Variants in GKAP1 observed in about 807,000 individuals in gnomAD.
GKAP1 encodes the protein G kinase-anchoring protein 1.
GKAP1 carries 31 observed loss-of-function variants against 56.7 expected under a neutral mutation model. That is an observed-to-expected ratio of 0.55 (90% confidence interval 0.41 to 0.74). The LOEUF (loss-of-function observed/expected upper bound fraction) is 0.74. Ranked by LOEUF, GKAP1 falls within the 30% of genes least tolerant of loss-of-function variation. GKAP1 has a pLI of 0.00. For missense variants in GKAP1, 364 were observed against 402.3 expected (o/e 0.90, Z 0.82); for synonymous variants, 151 against 138.6 (o/e 1.09, Z -0.63).
intron 4 of GKAP1, chr9:83,793,179 T>C (rs1156937347): frequency 6.4e-6 from 1 of 155,914 alleles, no homozygotes; most frequent in Admixed American, 6.5e-5. Context: ...ATTTTACTCA[T>C]TTAAATCCAA....
chr9:83,788,744 C>A, intron 4 of GKAP1, 66 bp from the exon 5 acceptor site: 1 of 926,612 alleles, frequency 1.1e-6, no homozygotes. Context: ...AATAACCATA[C>A]ATATTACTAT....
chr9:83,784,211 G>A (rs937480338), intron 6 of GKAP1, among the ~76,000 whole-genome samples: 1 of 151,594 alleles, frequency 6.6e-6, no homozygotes, highest in Non-Finnish European at 1.5e-5. Flanking sequence ...AGGTTACAGT[G>A]AGCCATGACT....
Position 83,751,669 on chromosome 9 carries a change from A to G in GKAP1, c.840+1589T>C, listed in dbSNP as rs555148392. ...ACAGGGCGCAAAAAGTATCTGGCAC[A>G]TTACAGGCACTCAATAAATAATTGT... On this transcript the variant is annotated intron_variant, in intron 9 of 12. Coordinates refer to ENST00000376371, the MANE Select transcript of GKAP1 (RefSeq NM_025211.4). Among the ~76,000 whole-genome samples, 13 of 152,200 alleles carry G rather than the reference A, an allele frequency of 8.5e-5. No homozygotes were observed. In the South Asian group the frequency reaches 2.3e-3, roughly 27 times the overall value.
At chr9:83,808,017 T>C (rs183824454) in intron 2 of GKAP1, among the ~76,000 whole-genome samples, 11 of 152,350 alleles carry the variant, frequency 7.2e-5, no homozygotes, top group Admixed American at 7.2e-4. Flanking sequence ...AGAACTGATG[T>C]CTGAAGATGC....
intron 11 of GKAP1, 75 bp downstream of exon 11, chr9:83,742,455 T>C (rs1943223745): frequency 1.1e-6 from 1 of 902,290 alleles, no homozygotes; most frequent in Non-Finnish European, 1.8e-6. Context: ...TGATGAGCTG[T>C]ATTTGTTAAG....
chr9:83,810,804 G>T (rs894916277), intron 2 of GKAP1, among the ~76,000 whole-genome samples: 1 of 152,224 alleles, frequency 6.6e-6, no homozygotes, highest in Non-Finnish European at 1.5e-5. Flanking sequence ...ATCACTTAAT[G>T]ATGGGGATAC....
chr9:83,784,423 T>A (rs574090706), intron 6 of GKAP1, among the ~76,000 whole-genome samples: 14 of 152,320 alleles, frequency 9.2e-5, no homozygotes, highest in African/African-American at 3.4e-4. Flanking sequence ...ACTCTTGCCA[T>A]GTGATGACTC....
At chr9:83,813,582 G>GT (rs1944541510) in intron 2 of GKAP1, among the ~76,000 whole-genome samples, 1 of 152,112 alleles carries the variant, frequency 6.6e-6, no homozygotes, top group East Asian at 1.9e-4. Context: ...TAGCAAAACC[G>GT]TATCTCATAA....
Position 83,769,132 on chromosome 9 carries a change from T to C in GKAP1, c.586-162A>G, listed in dbSNP as rs535930971. The stretch of plus-strand genomic sequence containing the variant: ...TGACAGCTAAGAGACAATCAACGAC[T>C]TGATCCTTCTCCATCTCCAGAAGAT... On this transcript the variant is annotated intron_variant, in intron 7 of 12. Transcript: ENST00000376371. 8.5e-5 allele frequency among the ~76,000 whole-genome samples: 13 copies of C among 152,344 alleles called. No individual in the cohort carries two copies. In the South Asian group the frequency reaches 2.7e-3, roughly 32 times the overall value.
intron 2 of GKAP1, among the ~76,000 whole-genome samples, chr9:83,812,210 TAC>T: frequency 6.7e-6 from 1 of 148,340 alleles, no homozygotes; most frequent in Non-Finnish European, 1.5e-5. Flanking sequence ...TATATACACA[TAC>T]ATACATACAC....
At chr9:83,756,066 A>C (rs10868055) in intron 8 of GKAP1, among the ~76,000 whole-genome samples, 50,844 of 151,888 alleles carry the variant, frequency 0.33, 9,104 homozygotes, top group Admixed American at 0.48. Context: ...TGGCCTCCCA[A>C]AGTGCTGGGA....
At chr9:83,770,969 C>A (rs1943749539) in intron 7 of GKAP1, among the ~76,000 whole-genome samples, 1 of 152,156 alleles carries the variant, frequency 6.6e-6, no homozygotes, top group Non-Finnish European at 1.5e-5. Context: ...AGAAATTTTA[C>A]ATTCTCCAAG....
intron 4 of GKAP1, chr9:83,792,877 G>T (rs1944185162): frequency 3.3e-6 from 1 of 306,356 alleles, no homozygotes. Flanking sequence ...TTTATTTATG[G>T]GAGTAGGAGG....
intron 10 of GKAP1, among the ~76,000 whole-genome samples, chr9:83,743,987 G>A (rs1943249296): frequency 1.3e-5 from 2 of 152,036 alleles, no homozygotes; most frequent in Middle Eastern, 3.2e-3. Context: ...TAGCAAAGGA[G>A]GAAAATGACT....
intron 9 of GKAP1, among the ~76,000 whole-genome samples, chr9:83,751,354 TTGTC>T (rs879924757): frequency 2.0e-5 from 3 of 152,316 alleles, no homozygotes; most frequent in Admixed American, 6.5e-5. Flanking sequence ...ATTCATTCCT[TTGTC>T]TGTTCTTCTG....
At chr9:83,754,884 G>C (rs969062794) in intron 8 of GKAP1, among the ~76,000 whole-genome samples, 3 of 152,168 alleles carry the variant, frequency 2.0e-5, no homozygotes, top group Admixed American at 6.5e-5. Context: ...ATGGAGTGAG[G>C]TAAGACAGGT....
intron 3 of GKAP1, among the ~76,000 whole-genome samples, chr9:83,805,960 C>T (rs295279): frequency 0.68 from 102,715 of 151,950 alleles, 35,464 homozygotes; most frequent in African/African-American, 0.8. Context: ...CTACAAAAAA[C>T]GCAAAAATTA....
rs948006683 is a variant in GKAP1, at chr9:83,817,527, G to T, written c.-186C>A. ...CCTCCGCGTACTCACCGGGCCTCCC[G>T]TGCCGCCGGCTCGGCCCTCCTCTCC... On this transcript the variant is annotated 5_prime_UTR_variant, in exon 1 of 13. Transcript: ENST00000376371. 3 of 151,582 alleles carry T rather than the reference G, an allele frequency of 2.0e-5. No individual in the cohort carries two copies. The highest frequency in any genetic ancestry group is 4.4e-5 in the Non-Finnish European group (3 of 67,848). The allele number at this position is 151,582 out of a possible 1,614,324, so 9.4% of individuals were successfully genotyped here.
At chr9:83,807,106 T>C (rs995023744) in intron 2 of GKAP1, among the ~76,000 whole-genome samples, 14 of 152,182 alleles carry the variant, frequency 9.2e-5, no homozygotes, top group Admixed American at 2.0e-4. Flanking sequence ...AAGGAAACTT[T>C]TCAAAATGCC....
Sources: allele counts gnomAD v4.1 joint callset (sites outside exome capture counted in the v4.1 genomes callset), GRCh38; gene constraint gnomAD v4.1.1; transcripts MANE v1.5; gene names NCBI Gene and HGNC (gene_info 2026-07-23, HGNC 2026-07-21).